PPP2R2C: variants seen among roughly 807,000 people sequenced by gnomAD.
PPP2R2C encodes protein phosphatase 2 regulatory subunit Bgamma.
In PPP2R2C, 10 loss-of-function variants were observed where a neutral mutation model predicts 45.3. That is an observed-to-expected ratio of 0.22 (90% CI 0.14 to 0.37). The LOEUF (loss-of-function observed/expected upper bound fraction) is 0.37. Among genes scored for constraint, PPP2R2C ranks in the 10% least tolerant of loss-of-function variants. The pLI, the probability that PPP2R2C is intolerant of heterozygous loss-of-function variation, is 1.00. For synonymous variants in PPP2R2C, 257 were observed against 245.4 expected (o/e 1.05, Z -0.44); for missense variants, 308 against 619.7 (o/e 0.50, Z 5.34).
chr4:6,454,978 T>C (rs531917429), intron 1 of PPP2R2C, among the ~76,000 whole-genome samples: 1 of 152,194 alleles, frequency 6.6e-6, no homozygotes, highest in East Asian at 1.9e-4. Context: ...ACCACACGGC[T>C]CCTCCCTGGC....
In PPP2R2C at chr4:6,351,264, G is replaced by C. The variant is rs546875181; in HGVS notation, c.626-3254C>G. 9.3e-5 allele frequency: 56 copies of C among 601,130 alleles called. No individual in the cohort carries two copies. In the South Asian group the frequency reaches 2.2e-3, roughly 24 times the overall value. The allele number at this position is 601,130 out of a possible 1,614,324, so 37.2% of individuals were successfully genotyped here. A position where few individuals can be genotyped will look rare whatever the true frequency, so the allele number is the denominator to read the frequency against. Reference sequence around the variant, plus strand: ...GGAGGCAGAGGTTGCAGTGAGCTGAGATCGCGCCACTGCACTCCAGACTGG... The same window carrying C: ...GGAGGCAGAGGTTGCAGTGAGCTGACATCGCGCCACTGCACTCCAGACTGG... On this transcript the variant is annotated intron_variant, in intron 5 of 8. Transcript: ENST00000382599.
At chr4:6,404,409 T>C (rs1404009660) in intron 1 of PPP2R2C, among the ~76,000 whole-genome samples, 3 of 152,146 alleles carry the variant, frequency 2.0e-5, no homozygotes, top group South Asian at 2.1e-4. Flanking sequence ...ATGGAAACCC[T>C]TGGGGACGGG....
chr4:6,386,356 A>G (rs1024005723), intron 1 of PPP2R2C, among the ~76,000 whole-genome samples: 2 of 152,216 alleles, frequency 1.3e-5, no homozygotes, highest in African/African-American at 4.8e-5. Context: ...CAGCAGCTGG[A>G]AAAATGTGGG....
chr4:6,362,907 T>C (rs1213600732), intron 5 of PPP2R2C, among the ~76,000 whole-genome samples: 1 of 151,902 alleles, frequency 6.6e-6, no homozygotes, highest in Non-Finnish European at 1.5e-5. Context: ...TGACTTTGGG[T>C]AGATTACTGA....
At chr4:6,480,518 C>T (rs1199858528) in intron 2 of PPP2R2C, among the ~76,000 whole-genome samples, 1 of 152,158 alleles carries the variant, frequency 6.6e-6, no homozygotes, top group Non-Finnish European at 1.5e-5. Flanking sequence ...TAAATATTTA[C>T]GAGCATACCA....
In PPP2R2C at chr4:6,391,737, G is replaced by A. The variant is rs1178694336; in HGVS notation, c.71-10643C>T. On this transcript the variant is annotated intron_variant, in intron 1 of 8. Transcript: ENST00000382599. ...GTGGCCGACACAGTGACCCTTGGGGGAGCGGCAGCAGGGGAAGCCCTGGGT... is the reference window on the plus strand; with the variant it reads ...GTGGCCGACACAGTGACCCTTGGGGAAGCGGCAGCAGGGGAAGCCCTGGGT... Among the ~76,000 whole-genome samples the A allele has an allele frequency of 2.0e-5, 3 of 152,354 alleles. No homozygotes were observed. In the East Asian group the frequency reaches 5.8e-4, roughly 29 times the overall value.
At chr4:6,381,948 C>A in intron 1 of PPP2R2C, 1 of 1,497,740 alleles carries the variant, frequency 6.7e-7, no homozygotes, top group Non-Finnish European at 8.9e-7. Context: ...CCTGCACATT[C>A]TGGGTGGCCA....
chr4:6,442,926 G>C (rs74545276), intron 1 of PPP2R2C, among the ~76,000 whole-genome samples: 12,753 of 152,228 alleles, frequency 0.084, 886 homozygotes, highest in East Asian at 0.37. Context: ...TCGCCCAAGG[G>C]GGGCACCCAT....
intron 1 of PPP2R2C, among the ~76,000 whole-genome samples, chr4:6,394,658 G>A (rs1716895271): frequency 6.6e-6 from 1 of 152,222 alleles, no homozygotes; most frequent in Non-Finnish European, 1.5e-5. Flanking sequence ...GGGCATGGAG[G>A]CCTGACACTG....
intron 1 of PPP2R2C, among the ~76,000 whole-genome samples, chr4:6,410,100 C>T (rs2109365586): frequency 6.6e-6 from 1 of 152,308 alleles, no homozygotes; most frequent in African/African-American, 2.4e-5. Context: ...GACACCCCTG[C>T]TCAGAAGCAG....
intron 6 of PPP2R2C, among the ~76,000 whole-genome samples, chr4:6,339,752 G>T (rs1733302427): frequency 6.6e-6 from 1 of 152,192 alleles, no homozygotes; most frequent in Admixed American, 6.5e-5. Flanking sequence ...AGGGGGAGGG[G>T]CCTATGGGGT....
rs188930097 is a variant in PPP2R2C at position 6,364,481 on chromosome 4, C to T, written c.625+8042G>A. ...TGAGCAAGGAGTGACATGATCTTGTCGTTTTTTTTTTTCTCATGTTGTAGG... is the reference window on the plus strand; with the variant it reads ...TGAGCAAGGAGTGACATGATCTTGTTGTTTTTTTTTTTCTCATGTTGTAGG... On this transcript the variant is annotated intron_variant, in intron 5 of 8. Transcript: ENST00000382599. The surrounding 1 kb of genome is among the most constrained non-coding windows in gnomAD (Gnocchi z 5.3). Among the ~76,000 whole-genome samples the T allele has an allele frequency of 2.1e-3, 309 of 149,756 alleles. 4 individuals are homozygous for T. The highest frequency in any genetic ancestry group is 2.9e-3 in the Admixed American group (44 of 15,026).
At chr4:6,511,402 ATGG>A (rs1434644875) in intron 2 of PPP2R2C, among the ~76,000 whole-genome samples, 9 of 121,356 alleles carry the variant, frequency 7.4e-5, no homozygotes, top group Admixed American at 5.6e-4. Context: ...GATGGTGGTG[ATGG>A]TGGTGGTGAC....
At chr4:6,361,808 G>A (rs2109266835) in intron 5 of PPP2R2C, among the ~76,000 whole-genome samples, 1 of 152,332 alleles carries the variant, frequency 6.6e-6, no homozygotes. Flanking sequence ...CTGAGAAGGA[G>A]CAGACCAGAC....
intron 2 of PPP2R2C, among the ~76,000 whole-genome samples, chr4:6,534,560 A>C (rs928232335): frequency 6.6e-6 from 1 of 151,816 alleles, no homozygotes; most frequent in Non-Finnish European, 1.5e-5. Context: ...TACATGCCCC[A>C]CCATACAAAC....
intron 1 of PPP2R2C, among the ~76,000 whole-genome samples, chr4:6,395,150 C>T (rs1328600148): frequency 6.6e-6 from 1 of 152,122 alleles, no homozygotes; most frequent in East Asian, 1.9e-4. Flanking sequence ...ATCCGATGGC[C>T]CTCCCTAAAA....
At chr4:6,381,471 C>T in intron 1 of PPP2R2C, 2 of 1,368,216 alleles carry the variant, frequency 1.5e-6, no homozygotes, top group Non-Finnish European at 1.9e-6. Context: ...GCCACCCAGG[C>T]CCCCATGCTC....
At chr4:6,424,285 A>C (rs1577172150) in intron 1 of PPP2R2C, among the ~76,000 whole-genome samples, 1 of 152,224 alleles carries the variant, frequency 6.6e-6, no homozygotes, top group Non-Finnish European at 1.5e-5. Flanking sequence ...TGGAGACCTC[A>C]CTGTGGAGCC....
At chr4:6,501,230 G>C (rs1350868664) in intron 2 of PPP2R2C, among the ~76,000 whole-genome samples, 1 of 152,176 alleles carries the variant, frequency 6.6e-6, no homozygotes, top group Non-Finnish European at 1.5e-5. Context: ...AAATGTAATT[G>C]GCAGACACTG....
Sources: allele counts gnomAD v4.1 joint callset (sites outside exome capture counted in the v4.1 genomes callset), GRCh38; gene constraint gnomAD v4.1.1; non-coding constraint Gnocchi (gnomAD v3.1); transcripts MANE v1.5; gene names NCBI Gene and HGNC (gene_info 2026-07-23, HGNC 2026-07-21).